TNRC6A: variants seen among roughly 807,000 people sequenced by gnomAD.
The protein encoded by TNRC6A is trinucleotide repeat containing adaptor 6A, also known as trinucleotide repeat-containing gene 6A protein.
TNRC6A carries 44 observed loss-of-function variants against 221.2 expected under a neutral mutation model. The ratio of observed to expected loss-of-function variants is 0.20; its 90% CI spans 0.16 to 0.26. The LOEUF is 0.26. Among genes scored for constraint, TNRC6A ranks in the 10% least tolerant of loss-of-function variants. The pLI is 1.00. For missense variants in TNRC6A, 2,199 were observed against 2,404.4 expected (o/e 0.91, Z 1.79); for synonymous variants, 847 against 838.5 (o/e 1.01, Z -0.18).
chr16:24,745,306 C>CT (rs2056980704), intron 2 of TNRC6A, among the ~76,000 whole-genome samples: 1 of 152,032 alleles, frequency 6.6e-6, no homozygotes, highest in South Asian at 2.1e-4. Flanking sequence ...TTGAAGGTTG[C>CT]TAGTGACTTC....
chr16:24,707,969 G>A (rs2056128804), intron 2 of TNRC6A, among the ~76,000 whole-genome samples: 1 of 152,116 alleles, frequency 6.6e-6, no homozygotes, highest in Non-Finnish European at 1.5e-5. Flanking sequence ...TGAGGTGGGA[G>A]GACTGCTTGA....
chr16:24,683,791 G>A (rs1358500652), intron 2 of TNRC6A, among the ~76,000 whole-genome samples: 1 of 152,174 alleles, frequency 6.6e-6, no homozygotes, highest in Non-Finnish European at 1.5e-5. Flanking sequence ...GTAAAATAAG[G>A]AGAGTGCCCT....
At position 24,805,138 on chromosome 16, in the gene TNRC6A, T is replaced by C; in HGVS notation, c.4109T>C (p.Leu1370Ser). 6.2e-7 allele frequency: 1 copy of C among 1,614,190 alleles called. No individual in the cohort carries two copies. The highest frequency in any genetic ancestry group is 8.5e-7 in the Non-Finnish European group (1 of 1,180,032). Residue 1370 changes from leucine to serine, a missense_variant, in exon 14 of 25, where the codon TTA becomes TCA. Coordinates refer to ENST00000395799, the MANE Select transcript of TNRC6A (RefSeq NM_014494.4). Reference protein sequence around the residue: ...PNLRAQVPPPLLSPQVPVSLL... With the variant: ...PNLRAQVPPPSLSPQVPVSLL... ...CTCCGTGCTCAAGTGCCTCCTCCAT[T>C]ACTCTCCCCTCAGGTAAATAAGCTT... is the stretch of plus-strand genomic sequence containing the variant.
intron 4 of TNRC6A, among the ~76,000 whole-genome samples, chr16:24,758,778 T>A (rs2057303549): frequency 6.6e-6 from 1 of 152,140 alleles, no homozygotes; most frequent in Non-Finnish European, 1.5e-5. Flanking sequence ...CATTCCTTCT[T>A]ATAGACAGAT....
upstream of TNRC6A, among the ~76,000 whole-genome samples, chr16:24,726,664 G>C (rs1269791065): frequency 2.0e-5 from 3 of 152,184 alleles, no homozygotes; most frequent in African/African-American, 7.2e-5. Flanking sequence ...AGAAAGCATT[G>C]TTGGGAACGA....
intron 2 of TNRC6A, among the ~76,000 whole-genome samples, chr16:24,665,241 T>G (rs2055134109): frequency 6.6e-6 from 1 of 152,024 alleles, no homozygotes; most frequent in Non-Finnish European, 1.5e-5. Flanking sequence ...GGCTAATTTT[T>G]TTTTAATTTT....
chr16:24,692,194 A>G (rs2055769111), intron 2 of TNRC6A, among the ~76,000 whole-genome samples: 1 of 152,164 alleles, frequency 6.6e-6, no homozygotes, highest in South Asian at 2.1e-4. Flanking sequence ...TCGTGGCTCT[A>G]AGCAGCAAAG....
intron 2 of TNRC6A, chr16:24,664,966 G>A (rs550979645): frequency 2.0e-5 from 9 of 456,336 alleles, no homozygotes; most frequent in Non-Finnish European, 2.6e-5. Flanking sequence ...ACAGAATCAC[G>A]GGATGGTTGC....
At chr16:24,643,503 C>A (rs1902107068) in intron 2 of TNRC6A, among the ~76,000 whole-genome samples, 1 of 152,098 alleles carries the variant, frequency 6.6e-6, no homozygotes, top group Admixed American at 6.6e-5. Context: ...AATCCAGACA[C>A]CTCTTTGTAC....
chr16:24,756,367 T>C (rs1455375803), intron 3 of TNRC6A, among the ~76,000 whole-genome samples: 1 of 152,192 alleles, frequency 6.6e-6, no homozygotes, highest in Non-Finnish European at 1.5e-5. Flanking sequence ...ATACTAGGTC[T>C]CCAGACCAGC....
intron 4 of TNRC6A, among the ~76,000 whole-genome samples, chr16:24,766,216 G>T (rs568227446): frequency 6.6e-6 from 1 of 152,272 alleles, no homozygotes; most frequent in Admixed American, 6.5e-5. Context: ...TTTCACCTCT[G>T]CCATTTACTA....
chr16:24,673,911 G>T (rs140659641), intron 2 of TNRC6A, among the ~76,000 whole-genome samples: 311 of 152,316 alleles, frequency 2.0e-3, no homozygotes, highest in African/African-American at 7.1e-3. Context: ...AAGTGATACA[G>T]TTGTCAATGA....
At chr16:24,677,124 C>T (rs1256340887) in intron 2 of TNRC6A, among the ~76,000 whole-genome samples, 1 of 151,572 alleles carries the variant, frequency 6.6e-6, no homozygotes, top group Non-Finnish European at 1.5e-5. Flanking sequence ...CCTTCTCATC[C>T]TTCCTTAAAT....
chr16:24,814,158 C>G (rs2058603628), intron 18 of TNRC6A, among the ~76,000 whole-genome samples: 1 of 152,078 alleles, frequency 6.6e-6, no homozygotes. Context: ...CTGTCAGGGA[C>G]CAGCTTCATC....
intron 2 of TNRC6A, among the ~76,000 whole-genome samples, chr16:24,694,887 CACACG>C (rs2055827601): frequency 6.6e-6 from 1 of 152,068 alleles, no homozygotes; most frequent in South Asian, 2.1e-4. Context: ...GAGCTATGAT[CACACG>C]ACTGCACTCC....
At chr16:24,706,474 G>A (rs1243142698) in intron 2 of TNRC6A, among the ~76,000 whole-genome samples, 1 of 152,076 alleles carries the variant, frequency 6.6e-6, no homozygotes, top group Non-Finnish European at 1.5e-5. Flanking sequence ...CACTTTGGGA[G>A]GCCGAGGTGG....
chr16:24,664,873 A>G, intron 2 of TNRC6A: 1 of 455,392 alleles, frequency 2.2e-6, no homozygotes, highest in Non-Finnish European at 4.4e-6. Flanking sequence ...TGCATCAGAG[A>G]AAACGTGTTT....
chr16:24,786,005 A>G (rs1045041549), intron 5 of TNRC6A, among the ~76,000 whole-genome samples: 2 of 152,198 alleles, frequency 1.3e-5, no homozygotes, highest in South Asian at 2.1e-4. Flanking sequence ...AAAAACTTGT[A>G]AAGAAGCAGT....
chr16:24,797,882 G>A (rs2058251778), intron 10 of TNRC6A, 33 bp from the exon 11 acceptor site: 1 of 1,568,878 alleles, frequency 6.4e-7, no homozygotes, highest in Non-Finnish European at 8.7e-7. Context: ...GATAAATTAA[G>A]GTCTGCTAAC....
Sources: allele counts gnomAD v4.1 joint callset (sites outside exome capture counted in the v4.1 genomes callset), GRCh38; gene constraint gnomAD v4.1.1; transcripts MANE v1.5; gene names NCBI Gene and HGNC (gene_info 2026-07-23, HGNC 2026-07-21).